The following TENM3 variants were observed in gnomAD, a reference collection of about 807,000 sequenced individuals.
TENM3 encodes teneurin-3.
In TENM3, 63 loss-of-function variants were observed where a neutral mutation model predicts 255.1. The observed-to-expected ratio is 0.25, with a 90% confidence interval of 0.20 to 0.30. TENM3 has a LOEUF of 0.30. Ranked by LOEUF, TENM3 falls within the 10% of genes least tolerant of loss-of-function variation. The probability of loss-of-function intolerance (pLI) is 1.00; values close to 1 mark genes in which losing one functional copy is unlikely to be tolerated. For synonymous variants in TENM3, 1,306 were observed against 1,322.3 expected (o/e 0.99, Z 0.27); for missense variants, 2,929 against 3,461.1 (o/e 0.85, Z 3.86).
intron 7 of TENM3, among the ~76,000 whole-genome samples, chr4:182,674,627 G>A (rs886706394): frequency 3.9e-5 from 6 of 152,166 alleles, no homozygotes; most frequent in Admixed American, 6.5e-5. Context: ...CCAGGCTGGA[G>A]TGCAATGGCA....
At chr4:182,017,312 G>C in the TENM3 span, among the ~76,000 whole-genome samples, 1 of 152,236 alleles carries the variant, frequency 6.6e-6, no homozygotes, top group Non-Finnish European at 1.5e-5. Flanking sequence ...TGAACATACA[G>C]GTTGGTTGAG....
At chr4:182,046,355 A>G in the TENM3 span, among the ~76,000 whole-genome samples, 1 of 152,132 alleles carries the variant, frequency 6.6e-6, no homozygotes, top group East Asian at 1.9e-4. Flanking sequence ...CTATTGATTT[A>G]TGAAGACAAA....
At chr4:182,569,385 C>T (rs1003578172) in intron 3 of TENM3, among the ~76,000 whole-genome samples, 2 of 152,038 alleles carry the variant, frequency 1.3e-5, no homozygotes, top group East Asian at 3.9e-4. Context: ...TAAACCCTGT[C>T]TCTACTAAAA....
chr4:182,249,014 A>G (rs1334040284), intron 1 of TENM3, among the ~76,000 whole-genome samples: 2 of 152,332 alleles, frequency 1.3e-5, no homozygotes, highest in South Asian at 2.1e-4. Context: ...CAAACTTTAT[A>G]TGTTTTAACT....
chr4:182,188,743 T>A (rs772564098), intron 1 of TENM3, among the ~76,000 whole-genome samples: 13 of 152,176 alleles, frequency 8.5e-5, no homozygotes, highest in Non-Finnish European at 1.6e-4. Context: ...ATGGTGCAAT[T>A]TGAGTCCTCT....
At chr4:182,755,613 C>A (rs932349529) in intron 22 of TENM3, among the ~76,000 whole-genome samples, 14 of 151,882 alleles carry the variant, frequency 9.2e-5, no homozygotes, top group Non-Finnish European at 1.9e-4. Flanking sequence ...CCGAGGCGGG[C>A]GGATCACGAG....
chr4:182,066,860 G>C, the TENM3 span, among the ~76,000 whole-genome samples: 2 of 152,114 alleles, frequency 1.3e-5, no homozygotes, highest in Non-Finnish European at 2.9e-5. Flanking sequence ...GCAGTGAGCC[G>C]AGATCGCACC....
At chr4:182,330,236 G>A (rs2150546373) in intron 2 of TENM3, among the ~76,000 whole-genome samples, 1 of 152,316 alleles carries the variant, frequency 6.6e-6, no homozygotes, top group East Asian at 1.9e-4. Context: ...GGTGACACAA[G>A]AACCTTTATA....
intron 12 of TENM3, among the ~76,000 whole-genome samples, chr4:182,708,376 G>C (rs962509832): frequency 6.6e-6 from 1 of 152,012 alleles, no homozygotes; most frequent in Non-Finnish European, 1.5e-5. Flanking sequence ...CATCAGCCAG[G>C]TGTTCATAAT....
the TENM3 span, among the ~76,000 whole-genome samples, chr4:181,643,392 T>C: frequency 1.3e-5 from 2 of 152,230 alleles, no homozygotes; most frequent in East Asian, 3.8e-4. Flanking sequence ...GATTTTGAGC[T>C]GAAATGGTAG....
chr4:181,736,356 A>G, the TENM3 span, among the ~76,000 whole-genome samples: 1 of 152,156 alleles, frequency 6.6e-6, no homozygotes, highest in Non-Finnish European at 1.5e-5. Context: ...ATGCAAAAAG[A>G]GTAGAGGTTG....
the TENM3 span, among the ~76,000 whole-genome samples, chr4:181,614,924 A>G: frequency 6.6e-6 from 1 of 152,174 alleles, no homozygotes; most frequent in African/African-American, 2.4e-5. Flanking sequence ...AGAAAGGCTG[A>G]GGATGGACCC....
intron 1 of TENM3, among the ~76,000 whole-genome samples, chr4:182,186,468 T>G (rs1256611640): frequency 6.6e-6 from 1 of 151,894 alleles, no homozygotes; most frequent in Admixed American, 6.6e-5. Flanking sequence ...GAAAATGTGT[T>G]TATATTTTTA....
the TENM3 span, among the ~76,000 whole-genome samples, chr4:181,739,459 T>G: frequency 6.6e-6 from 1 of 152,220 alleles, no homozygotes; most frequent in African/African-American, 2.4e-5. Flanking sequence ...TTTAAAAATC[T>G]AATTAAAACT....
chr4:182,533,701 G>A (rs959026403), intron 3 of TENM3, among the ~76,000 whole-genome samples: 1 of 152,052 alleles, frequency 6.6e-6, no homozygotes, highest in Non-Finnish European at 1.5e-5. Flanking sequence ...GGATCACGGG[G>A]TCAGGAGTTC....
the TENM3 span, among the ~76,000 whole-genome samples, chr4:181,917,756 G>A: frequency 1.3e-5 from 2 of 150,234 alleles, no homozygotes; most frequent in Non-Finnish European, 2.9e-5. Context: ...CCGCCTCCCA[G>A]GTTCAAGTGA....
chr4:182,332,765 G>A (rs1350539804), intron 2 of TENM3, among the ~76,000 whole-genome samples: 1 of 150,274 alleles, frequency 6.7e-6, no homozygotes, highest in Admixed American at 6.6e-5. Flanking sequence ...ATAAATCAGA[G>A]GAAGTAGGAA....
intron 3 of TENM3, among the ~76,000 whole-genome samples, chr4:182,453,745 T>C (rs1034365987): frequency 6.6e-6 from 1 of 152,126 alleles, no homozygotes; most frequent in African/African-American, 2.4e-5. Context: ...ACCTGTAAAA[T>C]GTAATCTGGA....
At chr4:182,095,743 A>G in the TENM3 span, among the ~76,000 whole-genome samples, 1 of 152,146 alleles carries the variant, frequency 6.6e-6, no homozygotes, top group Non-Finnish European at 1.5e-5. Flanking sequence ...AAAACAAAAA[A>G]AATATAAATT....
Sources: allele counts gnomAD v4.1 joint callset (sites outside exome capture counted in the v4.1 genomes callset), GRCh38; gene constraint gnomAD v4.1.1; transcripts MANE v1.5; gene names NCBI Gene and HGNC (gene_info 2026-07-23, HGNC 2026-07-21).